Variants in FSTL5 observed in about 807,000 individuals in gnomAD.
FSTL5 encodes follistatin like 5, also known as follistatin-related protein 5.
FSTL5 carries 62 observed loss-of-function variants against 89.1 expected under a neutral mutation model. The ratio of observed to expected loss-of-function variants is 0.70; its 90% CI spans 0.57 to 0.86. The LOEUF is 0.86. FSTL5 is among the 40% of genes least tolerant of loss of function. The pLI is 0.00. For synonymous variants in FSTL5, 383 were observed against 346.2 expected (o/e 1.11, Z -1.18); for missense variants, 1,057 against 1,001.6 (o/e 1.06, Z -0.75).
chr4:161,642,168 T>A (rs1269378784), intron 7 of FSTL5, among the ~76,000 whole-genome samples: 2 of 151,892 alleles, frequency 1.3e-5, no homozygotes, highest in African/African-American at 2.4e-5. Flanking sequence ...ATGGCTACTA[T>A]TTTTTTTGTG....
chr4:161,699,528 CT>C (rs1304915344), intron 6 of FSTL5, among the ~76,000 whole-genome samples: 1 of 152,144 alleles, frequency 6.6e-6, no homozygotes, highest in African/African-American at 2.4e-5. Flanking sequence ...ACCTTGGAAA[CT>C]GTATGAATTG....
intron 7 of FSTL5, among the ~76,000 whole-genome samples, chr4:161,602,252 A>AG (rs1491409080): frequency 3.5e-4 from 36 of 102,672 alleles, no homozygotes; most frequent in African/African-American, 1.3e-3. Context: ...AGAGGGAGAG[A>AG]AAGAGAGAGA....
At chr4:161,813,944 A>C (rs1286721213) in intron 4 of FSTL5, among the ~76,000 whole-genome samples, 2 of 152,126 alleles carry the variant, frequency 1.3e-5, no homozygotes, top group African/African-American at 4.8e-5. Flanking sequence ...AAACATAATC[A>C]ATAAGGAAAT....
intron 2 of FSTL5, among the ~76,000 whole-genome samples, chr4:162,100,034 G>A (rs1029942075): frequency 6.6e-6 from 1 of 152,110 alleles, no homozygotes; most frequent in Non-Finnish European, 1.5e-5. Context: ...CTAAACATAT[G>A]TTGACCATAT....
intron 4 of FSTL5, among the ~76,000 whole-genome samples, chr4:161,779,789 A>ACACATATATATG (rs1553965258): frequency 2.0e-5 from 1 of 51,076 alleles, no homozygotes; most frequent in South Asian, 8.0e-4. Context: ...ATATATATAT[A>ACACATATATATG]TATATATATA....
intron 15 of FSTL5, among the ~76,000 whole-genome samples, chr4:161,406,231 T>A (rs1403439397): frequency 6.6e-6 from 1 of 152,160 alleles, no homozygotes; most frequent in Non-Finnish European, 1.5e-5. Flanking sequence ...TGTTTTCATT[T>A]GCCTCAAAGT....
intron 6 of FSTL5, among the ~76,000 whole-genome samples, chr4:161,700,183 G>A (rs1380993873): frequency 6.6e-6 from 1 of 152,050 alleles, no homozygotes; most frequent in African/African-American, 2.4e-5. Flanking sequence ...TTAAAATTAT[G>A]CTGACAAGGT....
intron 5 of FSTL5, among the ~76,000 whole-genome samples, chr4:161,762,212 G>T (rs1177941619): frequency 6.6e-6 from 1 of 152,126 alleles, no homozygotes. Flanking sequence ...CTGTCGCCCA[G>T]GCTAGAGTGC....
chr4:162,052,091 A>G (rs150350847), intron 2 of FSTL5, among the ~76,000 whole-genome samples: 14 of 151,866 alleles, frequency 9.2e-5, no homozygotes, highest in African/African-American at 3.4e-4. Context: ...AATAAACAAA[A>G]TGTAGAATGA....
intron 3 of FSTL5, among the ~76,000 whole-genome samples, chr4:162,013,184 TAA>T (rs201396213): frequency 4.2e-5 from 6 of 142,040 alleles, no homozygotes; most frequent in African/African-American, 1.5e-4. Context: ...GACTCTGTCT[TAA>T]AAAAAAAAAA....
intron 7 of FSTL5, among the ~76,000 whole-genome samples, chr4:161,594,409 T>C (rs956716928): frequency 2.0e-5 from 3 of 152,136 alleles, no homozygotes; most frequent in African/African-American, 7.2e-5. Context: ...ACGTTCTATG[T>C]AGCTACCTAG....
chr4:161,625,255 A>G (rs534942580), intron 7 of FSTL5, among the ~76,000 whole-genome samples: 67 of 152,206 alleles, frequency 4.4e-4, no homozygotes, highest in African/African-American at 1.4e-3. Flanking sequence ...AATTTTTACA[A>G]ACGAAAAGGT....
At chr4:161,421,961 C>T (rs1436569890) in intron 15 of FSTL5, among the ~76,000 whole-genome samples, 1 of 152,096 alleles carries the variant, frequency 6.6e-6, no homozygotes, top group Admixed American at 6.6e-5. Flanking sequence ...TTTCAGCCTT[C>T]ATAATTGCAT....
intron 4 of FSTL5, among the ~76,000 whole-genome samples, chr4:161,898,905 A>G (rs1262603363): frequency 6.6e-6 from 1 of 152,034 alleles, no homozygotes; most frequent in Non-Finnish European, 1.5e-5. Flanking sequence ...CTGGGATTAC[A>G]AGCCTGAGCC....
intron 2 of FSTL5, chr4:162,035,512 G>A (rs1001984872): frequency 6.6e-6 from 1 of 151,992 alleles, no homozygotes; most frequent in Non-Finnish European, 1.5e-5. Flanking sequence ...AAATATTAAG[G>A]AGATCACTGT....
At chr4:161,676,330 A>G (rs1406852286) in intron 6 of FSTL5, among the ~76,000 whole-genome samples, 1 of 152,156 alleles carries the variant, frequency 6.6e-6, no homozygotes, top group East Asian at 1.9e-4. Context: ...GTCAAAAAAA[A>G]GGATGAGTTT....
intron 3 of FSTL5, among the ~76,000 whole-genome samples, chr4:161,953,324 A>G (rs1734946665): frequency 6.6e-6 from 1 of 151,702 alleles, no homozygotes; most frequent in East Asian, 1.9e-4. Flanking sequence ...CTAGATAACT[A>G]TAAAATATTA....
rs1055406915 is a variant in FSTL5, at chr4:161,452,811, C to T, written c.1841+2193G>A. ...ATAAATAAAGTAGTGACAAAATACC[C>T]ATGCATTTCACTGCACATTCCTCAA... On this transcript the variant is annotated intron_variant, in intron 15 of 15. Transcript: ENST00000306100. 3.4e-4 allele frequency among the ~76,000 whole-genome samples: 51 copies of T among 152,132 alleles called. 1 individual carries two copies. The highest frequency in any genetic ancestry group is 1.1e-3 in the African/African-American group (45 of 41,424).
intron 6 of FSTL5, among the ~76,000 whole-genome samples, chr4:161,758,550 G>T (rs1016634191): frequency 6.6e-6 from 1 of 151,876 alleles, no homozygotes; most frequent in African/African-American, 2.4e-5. Context: ...ATGGAGTCTT[G>T]CTCTGTCACC....
Sources: allele counts gnomAD v4.1 joint callset (sites outside exome capture counted in the v4.1 genomes callset), GRCh38; gene constraint gnomAD v4.1.1; transcripts MANE v1.5; gene names NCBI Gene and HGNC (gene_info 2026-07-23, HGNC 2026-07-21).